Variants in A2M observed in about 807,000 individuals in gnomAD.
A2M encodes alpha-2-macroglobulin, also known as C3 and PZP-like alpha-2-macroglobulin domain-containing protein 5.
A2M carries 128 observed loss-of-function variants against 183.9 expected under a neutral mutation model. That is an observed-to-expected ratio of 0.70 (90% CI 0.60 to 0.81). A2M has a LOEUF of 0.81. Among genes scored for constraint, A2M ranks in the 30% least tolerant of loss-of-function variants. A2M has a pLI of 0.00. For synonymous variants in A2M, 592 were observed against 670.8 expected, an observed-to-expected ratio of 0.88 and a Z score of 1.81; for missense variants, 1,495 against 1,787.6, an observed-to-expected ratio of 0.84 and a Z score of 2.95.
Position 9,112,138 on chromosome 12 carries a change from T to C in A2M, c.483+21A>G, listed in dbSNP as rs373071810. The C allele has an allele frequency of 9.3e-6, 15 of 1,612,470 alleles. No homozygotes were observed. In the South Asian group the frequency reaches 1.2e-4, roughly 13 times the overall value. ...CCTGTTTATACAGACAATCATTTTATGTAGATAATAGAAAACTCACCAACT... is the reference window on the plus strand; with the variant it reads ...CCTGTTTATACAGACAATCATTTTACGTAGATAATAGAAAACTCACCAACT... On this transcript the variant is annotated intron_variant, in intron 4 of 35. Coordinates refer to ENST00000318602, the MANE Select transcript of A2M (RefSeq NM_000014.6).
At chr12:9,069,340 A>G (rs1948494319) in intron 33 of A2M, among the ~76,000 whole-genome samples, 1 of 152,172 alleles carries the variant, frequency 6.6e-6, no homozygotes, top group South Asian at 2.1e-4. Context: ...TGGTCTTATT[A>G]TTTTATGGTT....
At chr12:9,087,975 CTA>C (rs1245925870) in intron 22 of A2M, among the ~76,000 whole-genome samples, 3 of 152,032 alleles carry the variant, frequency 2.0e-5, no homozygotes. Flanking sequence ...TATAGGAAGA[CTA>C]AAACACTAAG....
intron 11 of A2M, among the ~76,000 whole-genome samples, chr12:9,103,776 G>C (rs746283716): frequency 6.6e-6 from 1 of 152,124 alleles, no homozygotes; most frequent in African/African-American, 2.4e-5. Context: ...ATATTCTGTT[G>C]TATTTATATA....
intron 30 of A2M, 78 bp downstream of exon 30, chr12:9,072,575 G>C (rs1948609747): frequency 6.3e-7 from 1 of 1,599,126 alleles, no homozygotes. Context: ...CTGTCCCATT[G>C]TTTTCTGAGT....
chr12:9,104,102 A>C (rs1354331062), intron 11 of A2M, 137 bp downstream of exon 11: 2 of 851,146 alleles, frequency 2.3e-6, no homozygotes, highest in African/African-American at 3.5e-5. Flanking sequence ...TAAAAAAGTT[A>C]ACCTTCAATC....
chr12:9,108,301 A>AT (rs1179560417), intron 7 of A2M, among the ~76,000 whole-genome samples: 1 of 151,360 alleles, frequency 6.6e-6, no homozygotes, highest in Non-Finnish European at 1.5e-5. Flanking sequence ...AATTTTTTGT[A>AT]TTTTTTAGTA....
At chr12:9,075,153 C>T (rs1046986435) in intron 28 of A2M, among the ~76,000 whole-genome samples, 1 of 152,024 alleles carries the variant, frequency 6.6e-6, no homozygotes. Flanking sequence ...TTATCAGTTT[C>T]TTGTGAGGAT....
intron 31 of A2M, among the ~76,000 whole-genome samples, chr12:9,071,617 T>C (rs752327814): frequency 1.3e-5 from 2 of 152,154 alleles, no homozygotes; most frequent in Non-Finnish European, 2.9e-5. Flanking sequence ...AAGTAGGCTC[T>C]GGTGTCTGTT....
chr12:9,103,019 C>G (rs923089786), intron 11 of A2M, among the ~76,000 whole-genome samples: 1 of 152,092 alleles, frequency 6.6e-6, no homozygotes, highest in Non-Finnish European at 1.5e-5. Context: ...GTCTACATCT[C>G]TCTTGATGAA....
chr12:9,069,893 C>T, intron 32 of A2M, 80 bp from the exon 33 acceptor site: 1 of 1,140,910 alleles, frequency 8.8e-7, no homozygotes, highest in Non-Finnish European at 1.3e-6. Context: ...CTTTGTATTG[C>T]CAAAATAACC....
chr12:9,087,805 C>T (rs770558445), intron 22 of A2M, among the ~76,000 whole-genome samples: 1 of 151,964 alleles, frequency 6.6e-6, no homozygotes, highest in Non-Finnish European at 1.5e-5. Flanking sequence ...ACAACAACAA[C>T]CAACCAAACA....
intron 20 of A2M, among the ~76,000 whole-genome samples, 155 bp from the exon 21 acceptor site, chr12:9,090,178 G>A (rs866271006): frequency 2.0e-5 from 3 of 152,344 alleles, no homozygotes; most frequent in Middle Eastern, 3.4e-3. Context: ...GAATGATACT[G>A]AGAATTCAAG....
chr12:9,101,365 A>T lies in A2M; in HGVS notation c.1494+82T>A, dbSNP rs1937830972. On this transcript the variant is annotated intron_variant, in intron 12 of 35. Coordinates refer to ENST00000318602, the MANE Select transcript of A2M (RefSeq NM_000014.6). ...ACATGGATAAGAAGTTGAAGTAATG[A>T]CATCTAAAGAGCTTCATGATTACTT... 16 of 1,348,298 alleles carry T rather than the reference A, an allele frequency of 1.2e-5. No individual in the cohort carries two copies. In the South Asian group the frequency reaches 1.3e-4, roughly 11 times the overall value. 83.5% of individuals were successfully genotyped at this position (1,348,298 alleles called of 1,614,324 possible).
chr12:9,082,383 T>C (rs1385191720), intron 22 of A2M, among the ~76,000 whole-genome samples: 3 of 152,134 alleles, frequency 2.0e-5, no homozygotes, highest in Non-Finnish European at 2.9e-5. Context: ...CTCCACCAGA[T>C]AGCAGAGACA....
chr12:9,109,647 T>G (rs1355475187), intron 6 of A2M, among the ~76,000 whole-genome samples: 89 of 152,292 alleles, frequency 5.8e-4, no homozygotes, highest in Non-Finnish European at 1.5e-5. Context: ...GTTTTAATTT[T>G]GGGGGTTGGT....
At chr12:9,106,409 T>TC (rs34377093) in intron 9 of A2M, 64 bp from the exon 10 acceptor site, 1 of 1,434,700 alleles carries the variant, frequency 7.0e-7, no homozygotes, top group South Asian at 1.2e-5. Context: ...TTCTATCACC[T>TC]CCCCCCAACT....
rs746978341 is a variant in A2M at position 9,070,562 on chromosome 12, A to G, written c.4120T>C (p.Ser1374Pro). Residue 1374 changes from serine (S) to proline (P), a missense_variant, in exon 32 of 36, where the codon TCT (serine) becomes CCT (proline). Transcript: ENST00000318602. ...TCAACGATCGCCATGTTGGAGGCAG[A>G]GCGGCTCCCTGTGTAACTGAGGATC... ...SLSVSYTGSR[S>P]ASNMAIVDVK... The G allele has an allele frequency of 6.2e-7, 1 of 1,613,610 alleles. No individual in the cohort carries two copies. The highest frequency in any genetic ancestry group is 1.1e-5 in the South Asian group (1 of 90,976).
chr12:9,069,053 G>A, intron 33 of A2M: 3 of 443,134 alleles, frequency 6.8e-6, no homozygotes, highest in East Asian at 3.5e-5. Flanking sequence ...ATATACCTCT[G>A]TCAATGCCAA....
chr12:9,112,509 C>A lies in A2M; in HGVS notation c.298G>T (p.Val100Leu), dbSNP rs750207185. Residue 100 changes from valine to leucine, a missense_variant, in exon 3 of 36, where the codon GTA becomes TTA. Transcript: ENST00000318602. The part of the protein sequence containing the change: ...AVPKSSSNEE[V>L]MFLTVQVKGP... ...TTCACTTGGACAGTGAGGAACATTA[C>A]CTCCTCATTGGATGAAGACTTTGGG... 2.5e-6 allele frequency: 4 copies of A among 1,613,630 alleles called. No homozygotes were observed. Among genetic ancestry groups the A allele is most frequent in the Non-Finnish European group, 3.4e-6 (4 of 1,179,786 alleles).
Sources: gnomAD v4.1 joint callset for allele counts (sites outside exome capture counted in the v4.1 genomes callset) on GRCh38, gnomAD v4.1.1 for gene constraint, MANE v1.5 for transcripts, NCBI Gene and HGNC (gene_info 2026-07-23, HGNC 2026-07-21) for gene names.